The following STK32B variants were observed in gnomAD, a reference collection of about 807,000 sequenced individuals.
STK32B encodes serine/threonine kinase 32B.
In STK32B, 43 loss-of-function variants were observed where a neutral mutation model predicts 52.6. The observed-to-expected ratio is 0.82, with a 90% CI of 0.64 to 1.05. The LOEUF is 1.05. Ranked by LOEUF, STK32B falls within the 50% of genes least tolerant of loss-of-function variation. The probability of loss-of-function intolerance (pLI) is 0.00; values close to 1 mark genes in which losing one functional copy is unlikely to be tolerated. For synonymous variants in STK32B, 238 were observed against 204.3 expected (o/e 1.17, Z -1.41); for missense variants, 621 against 534.6 (o/e 1.16, Z -1.59).
chr4:5,079,802 C>A (rs923490281), intron 1 of STK32B, among the ~76,000 whole-genome samples: 1 of 152,086 alleles, frequency 6.6e-6, no homozygotes, highest in Non-Finnish European at 1.5e-5. Context: ...TGGACTATTG[C>A]CATTTGCTAC....
At chr4:5,477,477 A>G (rs780753991) in intron 11 of STK32B, among the ~76,000 whole-genome samples, 1 of 152,170 alleles carries the variant, frequency 6.6e-6, no homozygotes, top group Non-Finnish European at 1.5e-5. Flanking sequence ...CTCAGAGTCC[A>G]TTATTCACCA....
At chr4:5,268,947 T>C (rs918632771) in intron 3 of STK32B, among the ~76,000 whole-genome samples, 2 of 152,010 alleles carry the variant, frequency 1.3e-5, no homozygotes, top group Non-Finnish European at 2.9e-5. Flanking sequence ...AAGTAAAAGA[T>C]GGGAGCTTTA....
chr4:5,214,592 A>G (rs868050576), intron 3 of STK32B, among the ~76,000 whole-genome samples: 11 of 152,036 alleles, frequency 7.2e-5, no homozygotes, highest in African/African-American at 2.7e-4. Context: ...CTATTTGTCC[A>G]ACCCTGCACT....
chr4:5,461,616 A>C (rs1717030343), intron 9 of STK32B, among the ~76,000 whole-genome samples: 1 of 152,190 alleles, frequency 6.6e-6, no homozygotes, highest in South Asian at 2.1e-4. Flanking sequence ...CCCTGTGAGC[A>C]GCGTTGCATC....
chr4:5,258,547 C>A (rs1214195099), intron 3 of STK32B, among the ~76,000 whole-genome samples: 1 of 152,152 alleles, frequency 6.6e-6, no homozygotes, highest in African/African-American at 2.4e-5. Flanking sequence ...GCTCCATTCT[C>A]CCCAGTGTGA....
chr4:5,407,536 C>G (rs552347738), intron 5 of STK32B, among the ~76,000 whole-genome samples: 6 of 152,120 alleles, frequency 3.9e-5, no homozygotes, highest in Non-Finnish European at 8.8e-5. Context: ...GTTTAATTGA[C>G]TCACAGTTCC....
chr4:5,454,029 C>G (rs1716270255), intron 7 of STK32B, among the ~76,000 whole-genome samples: 1 of 152,170 alleles, frequency 6.6e-6, no homozygotes, highest in African/African-American at 2.4e-5. Context: ...CAAACATGCC[C>G]AGCAGCCCCA....
At position 5,418,734 on chromosome 4, in the gene STK32B, G is replaced by C. The variant is rs2107522; in HGVS notation, c.562+1800G>C. On this transcript the variant is annotated intron_variant, in intron 6 of 11. Coordinates refer to ENST00000282908, the MANE Select transcript of STK32B (RefSeq NM_018401.3). ...GTGAAAATGCCCTGTTCCCAGTTTG[G>C]CCTCACTTAACTCTGGCCAGGTTGT... 5.2e-3 allele frequency among the ~76,000 whole-genome samples: 789 copies of C among 152,308 alleles called. 13 individuals are homozygous for C. The highest frequency in any genetic ancestry group is 0.018 in the African/African-American group (758 of 41,566).
chr4:5,445,299 C>A (rs1378528377), intron 6 of STK32B, among the ~76,000 whole-genome samples: 1 of 152,192 alleles, frequency 6.6e-6, no homozygotes, highest in Non-Finnish European at 1.5e-5. Flanking sequence ...GATCTTGTTT[C>A]CATGCCGAGT....
upstream of STK32B, among the ~76,000 whole-genome samples, chr4:5,049,900 A>G (rs1363214711): frequency 6.6e-6 from 1 of 152,192 alleles, no homozygotes; most frequent in Non-Finnish European, 1.5e-5. Flanking sequence ...CACAATATCA[A>G]TATATTCCTC....
chr4:5,481,272 A>G (rs866502049), intron 11 of STK32B, among the ~76,000 whole-genome samples: 45 of 152,272 alleles, frequency 3.0e-4, no homozygotes, highest in African/African-American at 1.1e-3. Context: ...AATGATTGCC[A>G]TTCTAACTGG....
intron 2 of STK32B, among the ~76,000 whole-genome samples, chr4:5,150,488 T>C (rs757469544): frequency 3.3e-5 from 5 of 152,196 alleles, no homozygotes; most frequent in Non-Finnish European, 5.9e-5. Flanking sequence ...CTGTGTTTTT[T>C]AAAAACATAT....
chr4:5,160,479 CCT>C (rs370713794), intron 2 of STK32B, among the ~76,000 whole-genome samples: 17 of 152,092 alleles, frequency 1.1e-4, no homozygotes, highest in African/African-American at 3.9e-4. Flanking sequence ...CCTCCCCACA[CCT>C]CTGTCCTCAT....
Position 5,467,877 on chromosome 4 carries a change from C to A in STK32B, c.1042-129C>A. 2 of 1,015,406 alleles carry A rather than the reference C, an allele frequency of 2.0e-6. No homozygotes were observed. Among genetic ancestry groups the A allele is most frequent in the South Asian group, 1.4e-5 (1 of 70,546 alleles). The allele number at this position is 1,015,406 out of a possible 1,614,324, so 62.9% of individuals were successfully genotyped here. On this transcript the variant is annotated intron_variant, in intron 10 of 11. Transcript: ENST00000282908. This position sits in a 1 kb window ranked among gnomAD's most constrained non-coding sequence, Gnocchi z 5.8. ...GTCAGGGTCAGCCCCAGACACTTAGCTTGGCTTGTCCCGGTCCCAAGCATC... is the reference window on the plus strand; with the variant it reads ...GTCAGGGTCAGCCCCAGACACTTAGATTGGCTTGTCCCGGTCCCAAGCATC...
At chr4:5,327,690 T>G (rs1731968436) in intron 3 of STK32B, among the ~76,000 whole-genome samples, 1 of 152,080 alleles carries the variant, frequency 6.6e-6, no homozygotes, top group Non-Finnish European at 1.5e-5. Flanking sequence ...TTAGCATAAT[T>G]CTTAAGGGCC....
chr4:5,310,090 C>A (rs1026472131), intron 3 of STK32B, among the ~76,000 whole-genome samples: 3 of 152,054 alleles, frequency 2.0e-5, no homozygotes, highest in African/African-American at 7.2e-5. Flanking sequence ...CGCTTGAACC[C>A]AGGAGGCGGA....
Position 5,398,360 on chromosome 4 carries a change from AC to A in STK32B, c.472+118del, listed in dbSNP as rs1398548159. The A allele has an allele frequency of 1.7e-5, 18 of 1,065,522 alleles. No homozygotes were observed. Among genetic ancestry groups the A allele is most frequent in the Non-Finnish European group, 2.5e-5 (18 of 717,516 alleles). The allele number at this position is 1,065,522 out of a possible 1,614,324, so 66.0% of individuals were successfully genotyped here. A position where few individuals can be genotyped will look rare whatever the true frequency, so the allele number is the denominator to read the frequency against. ...AGTTGGACATTAGCATTGGCTAGAA[AC>A]CTTCTCTTGTTTCAATCCTGGTGGA... On this transcript the variant is annotated intron_variant, in intron 5 of 11. Coordinates refer to ENST00000282908, the MANE Select transcript of STK32B (RefSeq NM_018401.3). This position sits in a 1 kb window ranked among gnomAD's most constrained non-coding sequence, Gnocchi z 4.9.
At chr4:5,286,490 CT>C (rs1190322701) in intron 3 of STK32B, among the ~76,000 whole-genome samples, 2 of 152,124 alleles carry the variant, frequency 1.3e-5, no homozygotes, top group African/African-American at 4.8e-5. Context: ...AGGACAAACA[CT>C]GTAGTGATTT....
chr4:5,232,795 T>A (rs1306655040), intron 3 of STK32B, among the ~76,000 whole-genome samples: 2 of 152,218 alleles, frequency 1.3e-5, no homozygotes, highest in East Asian at 3.9e-4. Context: ...ACCTGCTTCC[T>A]TCCTGCCCTG....
Sources: allele counts gnomAD v4.1 joint callset (sites outside exome capture counted in the v4.1 genomes callset), GRCh38; gene constraint gnomAD v4.1.1; non-coding constraint Gnocchi (gnomAD v3.1); transcripts MANE v1.5; gene names NCBI Gene and HGNC (gene_info 2026-07-23, HGNC 2026-07-21).